MAP7: variants seen among roughly 807,000 people sequenced by gnomAD.
MAP7 encodes microtubule associated protein 7.
In MAP7, 52 loss-of-function variants were observed where a neutral mutation model predicts 94.8. The observed-to-expected ratio is 0.55, with a 90% CI of 0.44 to 0.69. MAP7 has a LOEUF of 0.69. MAP7 is among the 30% of genes least tolerant of loss of function. The pLI is 0.00. For synonymous variants in MAP7, 350 were observed against 357.0 expected (o/e 0.98, Z 0.22); for missense variants, 940 against 964.6 (o/e 0.97, Z 0.34).
chr6:136,485,100 T>C (rs551437489), intron 1 of MAP7, among the ~76,000 whole-genome samples: 6 of 152,298 alleles, frequency 3.9e-5, no homozygotes, highest in African/African-American at 9.6e-5. Context: ...TGCTCTGATA[T>C]TGGAAAGTTC....
intron 1 of MAP7, among the ~76,000 whole-genome samples, chr6:136,478,244 CA>C (rs1811557838): frequency 6.6e-6 from 1 of 151,994 alleles, no homozygotes; most frequent in South Asian, 2.1e-4. Flanking sequence ...ATAGCAAGAG[CA>C]AACCAAACAC....
At chr6:136,479,608 C>A (rs2128960456) in intron 1 of MAP7, among the ~76,000 whole-genome samples, 1 of 152,178 alleles carries the variant, frequency 6.6e-6, no homozygotes, top group East Asian at 1.9e-4. Context: ...TTTGGAGAAG[C>A]CTAAAGACGT....
At chr6:136,374,267 G>T (rs138166227) in intron 7 of MAP7, among the ~76,000 whole-genome samples, 15 of 152,304 alleles carry the variant, frequency 9.8e-5, no homozygotes, top group African/African-American at 3.1e-4. Flanking sequence ...TTGTCATTTT[G>T]CCTGGGATCA....
chr6:136,375,879 A>G lies in MAP7; in HGVS notation c.751+1876T>C, dbSNP rs147711925. Among the ~76,000 whole-genome samples the G allele has an allele frequency of 2.4e-4, 36 of 152,356 alleles. 1 individual carries two copies. Among genetic ancestry groups the G allele is most frequent in the South Asian group, 4.1e-4 (2 of 4,832 alleles). On this transcript the variant is annotated intron_variant, in intron 7 of 17. Coordinates refer to ENST00000354570, the MANE Select transcript of MAP7 (RefSeq NM_003980.6). ...ACCTTGGTTGAGCATAACAACAAAGAAGGGGAGAAGATGGGCAAGTAGAAT... is the reference window on the plus strand; with the variant it reads ...ACCTTGGTTGAGCATAACAACAAAGGAGGGGAGAAGATGGGCAAGTAGAAT...
At chr6:136,381,247 T>G (rs1419527353) in intron 6 of MAP7, among the ~76,000 whole-genome samples, 1 of 152,186 alleles carries the variant, frequency 6.6e-6, no homozygotes, top group African/African-American at 2.4e-5. Flanking sequence ...GGTACAATCA[T>G]AGCTCACCAC....
At chr6:136,420,139 G>T in intron 2 of MAP7, 1 of 887,708 alleles carries the variant, frequency 1.1e-6, no homozygotes, top group South Asian at 1.3e-5. Context: ...AATCAAAGAA[G>T]AAAGTATTTT....
chr6:136,429,133 C>T (rs1175312525), intron 1 of MAP7, among the ~76,000 whole-genome samples: 1 of 152,070 alleles, frequency 6.6e-6, no homozygotes, highest in African/African-American at 2.4e-5. Context: ...GTGTGCTAAA[C>T]ACCTCACATC....
At chr6:136,504,793 G>A (rs1820886906) in intron 1 of MAP7, among the ~76,000 whole-genome samples, 1 of 152,128 alleles carries the variant, frequency 6.6e-6, no homozygotes, top group South Asian at 2.1e-4. Flanking sequence ...CGATTCTTGT[G>A]CCCAGCCTCC....
intron 6 of MAP7, among the ~76,000 whole-genome samples, chr6:136,381,010 C>T (rs908941386): frequency 3.3e-5 from 5 of 152,210 alleles, no homozygotes; most frequent in Non-Finnish European, 5.9e-5. Context: ...ACTGAGAAAG[C>T]TCAAACAATC....
intron 1 of MAP7, among the ~76,000 whole-genome samples, chr6:136,484,393 G>A (rs938866868): frequency 3.9e-5 from 6 of 152,056 alleles, no homozygotes; most frequent in Admixed American, 3.3e-4. Flanking sequence ...TTGTTGTGAC[G>A]GCCATTTGCA....
intron 1 of MAP7, among the ~76,000 whole-genome samples, chr6:136,488,135 T>C (rs1815359806): frequency 6.6e-6 from 1 of 152,226 alleles, no homozygotes; most frequent in Admixed American, 6.5e-5. Flanking sequence ...GATAATATTC[T>C]TGTACAAGCT....
At position 136,362,553 on chromosome 6, in the gene MAP7, C is replaced by A. The variant is rs760661282; in HGVS notation, c.1423G>T (p.Asp475Tyr). 1 of 1,614,102 alleles carries A rather than the reference C, an allele frequency of 6.2e-7. No homozygotes were observed. Among genetic ancestry groups the A allele is most frequent in the East Asian group, 2.2e-5 (1 of 44,866 alleles). The change falls in exon 11 of 18, where the codon GAC becomes TAC. Residue 475 changes from aspartate (D) to tyrosine (Y), a missense_variant. Coordinates refer to ENST00000354570, the MANE Select transcript of MAP7 (RefSeq NM_003980.6). The stretch of plus-strand genomic sequence containing the variant: ...AGAAGCCTTGTGGCCTCCTCTGGGT[C>A]GGTGGTGCCTGCAGAAGTCTTAACA... ...ASVKTSAGTTDPEEATRLLAE... is the reference protein window; with the variant it reads ...ASVKTSAGTTYPEEATRLLAE...
chr6:136,440,149 G>T (rs1157912084), intron 1 of MAP7, among the ~76,000 whole-genome samples: 1 of 152,202 alleles, frequency 6.6e-6, no homozygotes, highest in Non-Finnish European at 1.5e-5. Context: ...TGACAAACGG[G>T]TGGGAGGTGT....
rs771925385 is a variant in MAP7 at position 136,388,369 on chromosome 6, A to G, written c.526+24T>C. 6 of 1,550,266 alleles carry G rather than the reference A, an allele frequency of 3.9e-6. No homozygotes were observed. In the African/African-American group the frequency reaches 4.1e-5, roughly 11 times the overall value. On this transcript the variant is annotated intron_variant, in intron 5 of 17. Coordinates refer to ENST00000354570, the MANE Select transcript of MAP7 (RefSeq NM_003980.6). ...GTTACTTTCAGGAAAATAAAGACTA[A>G]TTTTCAAAGTGGTCACTGTTTACCT...
intron 2 of MAP7, 110 bp from the exon 3 acceptor site, chr6:136,411,807 G>C: frequency 1.2e-6 from 1 of 836,778 alleles, no homozygotes; most frequent in Non-Finnish European, 1.9e-6. Context: ...ATAATATATT[G>C]CTGCACTTTA....
intron 1 of MAP7, among the ~76,000 whole-genome samples, chr6:136,459,521 C>T (rs1031273786): frequency 5.9e-5 from 9 of 152,044 alleles, no homozygotes; most frequent in Non-Finnish European, 1.2e-4. Flanking sequence ...TGTTCATCTA[C>T]AAGTGAATGG....
chr6:136,433,320 T>G (rs1288422785), intron 1 of MAP7, among the ~76,000 whole-genome samples: 1 of 152,248 alleles, frequency 6.6e-6, no homozygotes, highest in African/African-American at 2.4e-5. Flanking sequence ...AGATTCATCT[T>G]CTCATAAGTG....
intron 1 of MAP7, among the ~76,000 whole-genome samples, chr6:136,505,346 T>C (rs1413473649): frequency 7.1e-6 from 1 of 141,608 alleles, no homozygotes; most frequent in Non-Finnish European, 1.5e-5. Flanking sequence ...CAAGGGTACA[T>C]ATTCTCCCCC....
chr6:136,472,482 ACT>A (rs1322664448), intron 1 of MAP7, among the ~76,000 whole-genome samples: 2 of 152,126 alleles, frequency 1.3e-5, no homozygotes, highest in East Asian at 3.9e-4. Flanking sequence ...TGTGTAAGAA[ACT>A]CTTGTACAAA....
Sources: allele counts gnomAD v4.1 joint callset (sites outside exome capture counted in the v4.1 genomes callset), GRCh38; gene constraint gnomAD v4.1.1; transcripts MANE v1.5; gene names NCBI Gene and HGNC (gene_info 2026-07-23, HGNC 2026-07-21).